The following CSMD1 variants were observed in gnomAD, a reference collection of about 807,000 sequenced individuals.
The protein encoded by CSMD1 is CUB and sushi domain-containing protein 1.
In CSMD1, 213 loss-of-function variants were observed where a neutral mutation model predicts 417.5. The observed-to-expected ratio is 0.51, with a 90% CI of 0.46 to 0.57. The LOEUF (loss-of-function observed/expected upper bound fraction) is 0.57. Among genes scored for constraint, CSMD1 ranks in the 20% least tolerant of loss-of-function variants. CSMD1 has a pLI of 0.00. For synonymous variants in CSMD1, 2,862 were observed against 1,736.8 expected, an observed-to-expected ratio of 1.65 and a Z score of -16.11; for missense variants, 6,923 against 4,529.7, an observed-to-expected ratio of 1.53 and a Z score of -15.17.
chr8:3,259,998 C>G (rs545436925), intron 26 of CSMD1, among the ~76,000 whole-genome samples: 78 of 152,278 alleles, frequency 5.1e-4, no homozygotes, highest in African/African-American at 1.8e-3. Context: ...ACCTGCAAAG[C>G]CTAAAATAGC....
intron 3 of CSMD1, among the ~76,000 whole-genome samples, chr8:4,166,630 C>A (rs141779924): frequency 6.6e-6 from 1 of 152,046 alleles, no homozygotes; most frequent in Admixed American, 6.5e-5. Context: ...GAGCAGGGGA[C>A]AGAAGACTGC....
At chr8:4,518,026 A>T (rs1400650344) in intron 2 of CSMD1, among the ~76,000 whole-genome samples, 4 of 152,222 alleles carry the variant, frequency 2.6e-5, no homozygotes, top group African/African-American at 7.2e-5. Context: ...GCTGTTTAAG[A>T]AAGATAAATA....
intron 3 of CSMD1, among the ~76,000 whole-genome samples, chr8:4,070,114 C>T (rs1346934204): frequency 6.6e-6 from 1 of 151,962 alleles, no homozygotes; most frequent in African/African-American, 2.4e-5. Context: ...ATTTTTCAGT[C>T]TTCTTGTAAA....
At chr8:3,860,066 G>C (rs1396960679) in intron 5 of CSMD1, among the ~76,000 whole-genome samples, 1 of 151,940 alleles carries the variant, frequency 6.6e-6, no homozygotes, top group Non-Finnish European at 1.5e-5. Context: ...TTTGCAGTAT[G>C]GTTAGTTGTG....
chr8:4,754,825 G>C (rs1811568155), intron 1 of CSMD1, among the ~76,000 whole-genome samples: 3 of 151,966 alleles, frequency 2.0e-5, no homozygotes, highest in Admixed American at 2.0e-4. Context: ...CTCCAGCCTG[G>C]GTGACGGAGC....
chr8:4,056,108 G>A (rs1170222334), intron 3 of CSMD1, among the ~76,000 whole-genome samples: 1 of 122,400 alleles, frequency 8.2e-6, no homozygotes, highest in African/African-American at 3.1e-5. Context: ...TTGAGACAGA[G>A]TCTCACTTTG....
chr8:4,346,227 A>G (rs1339246388), intron 3 of CSMD1, among the ~76,000 whole-genome samples: 1 of 152,156 alleles, frequency 6.6e-6, no homozygotes. Context: ...AATGATTTTT[A>G]TATTTTGAAA....
At chr8:3,662,470 G>C (rs1215029200) in intron 7 of CSMD1, among the ~76,000 whole-genome samples, 1 of 152,162 alleles carries the variant, frequency 6.6e-6, no homozygotes, top group African/African-American at 2.4e-5. Context: ...TCCAAGTCTT[G>C]GTTATTGTAA....
At chr8:3,180,958 A>G (rs1252149685) in intron 37 of CSMD1, among the ~76,000 whole-genome samples, 152 bp downstream of exon 37, 3 of 152,182 alleles carry the variant, frequency 2.0e-5, no homozygotes, top group African/African-American at 7.2e-5. Context: ...TATTTCGTAG[A>G]GCCAGATTTC....
intron 3 of CSMD1, among the ~76,000 whole-genome samples, chr8:4,156,161 G>A (rs149976075): frequency 6.6e-6 from 1 of 152,274 alleles, no homozygotes; most frequent in Non-Finnish European, 1.5e-5. Flanking sequence ...GAGGCAATTC[G>A]TTGTGTGAGG....
At chr8:4,255,965 C>T (rs1425975819) in intron 3 of CSMD1, among the ~76,000 whole-genome samples, 1 of 152,146 alleles carries the variant, frequency 6.6e-6, no homozygotes, top group East Asian at 1.9e-4. Flanking sequence ...TCCAATAAAG[C>T]TTTGGTGAAA....
intron 3 of CSMD1, among the ~76,000 whole-genome samples, chr8:4,374,789 T>C (rs1423770134): frequency 6.6e-6 from 1 of 152,014 alleles, no homozygotes; most frequent in Non-Finnish European, 1.5e-5. Flanking sequence ...TGCTCTAGGA[T>C]GGCCCAGGAG....
chr8:3,849,646 G>A (rs929881630), intron 5 of CSMD1, among the ~76,000 whole-genome samples: 7 of 152,274 alleles, frequency 4.6e-5, no homozygotes, highest in African/African-American at 1.4e-4. Flanking sequence ...GAACAAGGTC[G>A]AAGTCCCCAG....
At chr8:3,790,292 A>C (rs761995322) in intron 5 of CSMD1, among the ~76,000 whole-genome samples, 5 of 152,212 alleles carry the variant, frequency 3.3e-5, no homozygotes, top group Non-Finnish European at 5.9e-5. Context: ...AGATGAAGTA[A>C]GTCATGTGTA....
chr8:4,269,992 G>C (rs1400413166), intron 3 of CSMD1, among the ~76,000 whole-genome samples: 1 of 152,138 alleles, frequency 6.6e-6, no homozygotes, highest in Admixed American at 6.6e-5. Flanking sequence ...CCTGAGCTTG[G>C]GGCCATATAT....
chr8:3,290,860 A>G (rs1392727248), intron 25 of CSMD1, among the ~76,000 whole-genome samples: 6 of 151,732 alleles, frequency 4.0e-5, no homozygotes, highest in Non-Finnish European at 5.9e-5. Context: ...TTCCAACACT[A>G]TATTGAATAG....
intron 1 of CSMD1, among the ~76,000 whole-genome samples, chr8:4,906,376 T>C (rs535000031): frequency 6.6e-6 from 1 of 152,326 alleles, no homozygotes; most frequent in Non-Finnish European, 1.5e-5. Context: ...TTATTGTGGG[T>C]AGAACACTGA....
intron 15 of CSMD1, 52 bp from the exon 16 acceptor site, chr8:3,399,581 C>G (rs1451343047): frequency 7.2e-7 from 1 of 1,395,228 alleles, no homozygotes; most frequent in Non-Finnish European, 9.6e-7. Context: ...GAAGGATATG[C>G]CATAACAATA....
intron 10 of CSMD1, among the ~76,000 whole-genome samples, chr8:3,528,695 G>A (rs1797855751): frequency 6.6e-6 from 1 of 152,178 alleles, no homozygotes; most frequent in South Asian, 2.1e-4. Context: ...ACACAAAAAT[G>A]TCAGTGCATA....
Sources: allele counts gnomAD v4.1 joint callset (sites outside exome capture counted in the v4.1 genomes callset), GRCh38; gene constraint gnomAD v4.1.1; transcripts MANE v1.5; gene names NCBI Gene and HGNC (gene_info 2026-07-23, HGNC 2026-07-21).